Variants in TLE2 observed in about 807,000 individuals in gnomAD.
TLE2 encodes the protein transducin-like enhancer protein 2.
A neutral mutation model predicts 97.2 loss-of-function variants in TLE2; 74 were observed. That is an observed-to-expected ratio of 0.76 (90% CI 0.63 to 0.92). The LOEUF is 0.92. Among genes scored for constraint, TLE2 ranks in the 40% least tolerant of loss-of-function variants. TLE2 has a pLI of 0.00. For synonymous variants in TLE2, 499 were observed against 432.1 expected, an observed-to-expected ratio of 1.15 and a Z score of -1.92; for missense variants, 1,038 against 1,008.7, an observed-to-expected ratio of 1.03 and a Z score of -0.39.
At chr19:3,030,368 AC>A (rs2090013505), upstream of TLE2, among the ~76,000 whole-genome samples, 1 of 152,146 alleles carries the variant, frequency 6.6e-6, no homozygotes, top group African/African-American at 2.4e-5. Context: ...CTTCAGGCCC[AC>A]CCGGGGAGTG....
chr19:3,037,302 C>CA (rs2090070127), intron 1 of TLE2, among the ~76,000 whole-genome samples: 2 of 151,430 alleles, frequency 1.3e-5, no homozygotes, highest in Non-Finnish European at 2.9e-5. Flanking sequence ...AAAACAAAAA[C>CA]AAAACAAAAC....
intron 12 of TLE2, among the ~76,000 whole-genome samples, chr19:3,010,387 C>A (rs1286340635): frequency 3.3e-5 from 5 of 149,356 alleles, no homozygotes; most frequent in Non-Finnish European, 4.5e-5. Flanking sequence ...AAAAAAAAAA[C>A]AAAACCCAGG....
At chr19:3,023,152 T>G (rs2089879711) in intron 5 of TLE2, among the ~76,000 whole-genome samples, 1 of 151,768 alleles carries the variant, frequency 6.6e-6, no homozygotes, top group South Asian at 2.1e-4. Context: ...CCCCCCGGGT[T>G]CAAGCAATTC....
In TLE2 at chr19:3,009,674, A is replaced by G; in HGVS notation, c.1041T>C (p.Ser347=). 1 of 1,612,634 alleles carries G rather than the reference A, an allele frequency of 6.2e-7. No homozygotes were observed. The highest frequency in any genetic ancestry group is 8.5e-7 in the Non-Finnish European group (1 of 1,179,400). ...VALRSPLTLS[S]PFTTSFSLGS... The stretch of plus-strand genomic sequence containing the variant: ...CCAGGCTGAAGGACGTGGTGAAGGG[A>G]CTGGACAGAGTCAGGGGGCTCCTCA... The change falls in exon 13 of 20, where the codon AGT becomes AGC. Residue 347 remains serine, a synonymous_variant. Coordinates refer to ENST00000262953, the MANE Select transcript of TLE2 (RefSeq NM_003260.5).
At chr19:3,027,998 C>T in intron 3 of TLE2, 125 bp from the exon 4 acceptor site, 1 of 991,542 alleles carries the variant, frequency 1.0e-6, no homozygotes, top group Non-Finnish European at 1.5e-6. Flanking sequence ...GCAGAGCCCC[C>T]CCCAGCTCCA....
At chr19:3,034,959 C>T (rs564119337) in intron 1 of TLE2, among the ~76,000 whole-genome samples, 26 of 152,264 alleles carry the variant, frequency 1.7e-4, no homozygotes, top group Non-Finnish European at 2.9e-4. Context: ...GGGCATTGCC[C>T]GGTGAGTGAG....
At chr19:3,045,655 C>T in intron 1 of TLE2, 1 of 392,510 alleles carries the variant, frequency 2.5e-6, no homozygotes, top group Non-Finnish European at 5.3e-6. Flanking sequence ...CCCCCCACCC[C>T]ACCCCGTCTC....
Position 3,019,674 on chromosome 19 carries a change from C to T in TLE2, c.369+25G>A, listed in dbSNP as rs1322026731. 21 of 1,600,838 alleles carry T rather than the reference C, an allele frequency of 1.3e-5. No individual in the cohort carries two copies. Among genetic ancestry groups the T allele is most frequent in the African/African-American group, 4.0e-5 (3 of 74,690 alleles). The stretch of plus-strand genomic sequence containing the variant: ...CCTGGGAGTGGGCGTCTCCCCATGG[C>T]GGGGCAGGGGCTAGAGAGACTCACC... On this transcript the variant is annotated intron_variant, in intron 6 of 19. Transcript: ENST00000262953. The surrounding 1 kb of genome is among the most constrained non-coding windows in gnomAD (Gnocchi z 5.1).
At chr19:3,020,543 C>G (rs563601667) in intron 5 of TLE2, 2 of 152,150 alleles carry the variant, frequency 1.3e-5, no homozygotes, top group Non-Finnish European at 2.9e-5. Flanking sequence ...ACACTCCCTG[C>G]CATCAGAACA....
chr19:3,046,835 GC>G (rs2090144598), upstream of TLE2, among the ~76,000 whole-genome samples: 1 of 151,322 alleles, frequency 6.6e-6, no homozygotes, highest in African/African-American at 2.4e-5. Context: ...AGGAATATGG[GC>G]CCACCCCAGT....
chr19:3,026,455 T>TAAAAA (rs34783402), intron 4 of TLE2, among the ~76,000 whole-genome samples: 31 of 111,296 alleles, frequency 2.8e-4, no homozygotes, highest in African/African-American at 1.0e-3. Flanking sequence ...TCTCAAAATT[T>TAAAAA]AAAAAAAAAA....
upstream of TLE2, among the ~76,000 whole-genome samples, chr19:3,045,977 T>C (rs2090138475): frequency 6.6e-6 from 1 of 152,232 alleles, no homozygotes; most frequent in Non-Finnish European, 1.5e-5. Flanking sequence ...CAATTTTCAC[T>C]GTACCACTCA....
At chr19:3,021,379 G>A (rs1216913902) in intron 5 of TLE2, among the ~76,000 whole-genome samples, 2 of 151,704 alleles carry the variant, frequency 1.3e-5, no homozygotes, top group South Asian at 2.1e-4. Flanking sequence ...ACTCCCGCCT[G>A]GGTGACAGAG....
At position 3,029,015 on chromosome 19, in the gene TLE2, G is replaced by C; in HGVS notation, c.-111C>G. 1.3e-6 allele frequency: 2 copies of C among 1,517,670 alleles called. No homozygotes were observed. Among genetic ancestry groups the C allele is most frequent in the East Asian group, 2.3e-5 (1 of 43,466 alleles). 94.0% of individuals were successfully genotyped at this position (1,517,670 alleles called of 1,614,324 possible). ...TGGGGAGGCTGCCCGAAGAAAGAGG[G>C]AGGAGGGAGAAGCGGCGCGGGGCAA... On this transcript the variant is annotated 5_prime_UTR_variant, in exon 1 of 20. Coordinates refer to ENST00000262953, the MANE Select transcript of TLE2 (RefSeq NM_003260.5).
rs760401720 is a variant in TLE2, at chr19:3,028,313, C to T, written c.186+6G>A. ...CCCCTCACCCTGGCATCATAAGTGC[C>T]CTCACCATGACATAATGTCGCTGCA... On this transcript the variant is annotated splice_donor_region_variant and intron_variant, in intron 3 of 19. Coordinates refer to ENST00000262953, the MANE Select transcript of TLE2 (RefSeq NM_003260.5). The T allele has an allele frequency of 9.3e-6, 15 of 1,606,696 alleles. No homozygotes were observed. The highest frequency in any genetic ancestry group is 1.3e-5 in the Non-Finnish European group (15 of 1,176,540).
intron 3 of TLE2, 29 bp from the exon 4 acceptor site, chr19:3,027,902 C>A: frequency 6.2e-7 from 1 of 1,600,208 alleles, no homozygotes. Context: ...GTAAGAACGT[C>A]TAGGGTGGAG....
chr19:3,018,780 A>C (rs1258488471), intron 7 of TLE2, among the ~76,000 whole-genome samples: 1 of 150,988 alleles, frequency 6.6e-6, no homozygotes, highest in East Asian at 2.0e-4. Flanking sequence ...ACTCCTGCCT[A>C]ATTTTTTTTG....
chr19:3,016,254 C>G (rs1388446575), intron 8 of TLE2, among the ~76,000 whole-genome samples: 1 of 151,196 alleles, frequency 6.6e-6, no homozygotes, highest in African/African-American at 2.4e-5. Context: ...CTTCTGCAAC[C>G]TCTCTGACAT....
chr19:2,998,567 C>G (rs946199139), intron 19 of TLE2, among the ~76,000 whole-genome samples: 6 of 152,058 alleles, frequency 3.9e-5, no homozygotes, highest in East Asian at 1.9e-4. Flanking sequence ...CATGAGCCAC[C>G]GCACCCGGCC....
Sources: gnomAD v4.1 joint callset for allele counts (sites outside exome capture counted in the v4.1 genomes callset) on GRCh38, gnomAD v4.1.1 for gene constraint, Gnocchi (gnomAD v3.1) non-coding constraint, MANE v1.5 for transcripts, NCBI Gene and HGNC (gene_info 2026-07-23, HGNC 2026-07-21) for gene names.